Variants in MED13L observed in about 807,000 individuals in gnomAD.
The protein encoded by MED13L is mediator complex subunit 13L.
A neutral mutation model predicts 220.9 loss-of-function variants in MED13L; 7 were observed. The observed-to-expected ratio is 0.03, with a 90% CI of 0.02 to 0.06. The LOEUF (loss-of-function observed/expected upper bound fraction) is 0.06, where lower values mean the gene tolerates loss of function less well. Among genes scored for constraint, MED13L ranks in the 10% least tolerant of loss-of-function variants. The probability of loss-of-function intolerance (pLI) is 1.00; values close to 1 mark genes in which losing one functional copy is unlikely to be tolerated. For synonymous variants in MED13L, 1,011 were observed against 1,015.2 expected (o/e 1.00, Z 0.08); for missense variants, 1,965 against 2,760.5 (o/e 0.71, Z 6.46).
intron 1 of MED13L, among the ~76,000 whole-genome samples, chr12:116,256,582 A>G (rs1435094715): frequency 1.3e-5 from 2 of 152,040 alleles, no homozygotes; most frequent in African/African-American, 4.8e-5. Context: ...TAAAGTGAGT[A>G]TATTTTATTG....
intron 2 of MED13L, among the ~76,000 whole-genome samples, chr12:116,157,264 C>T (rs186972885): frequency 3.9e-5 from 6 of 152,218 alleles, no homozygotes; most frequent in Admixed American, 3.9e-4. Context: ...TATACTTATA[C>T]CCCAAGTATA....
intron 17 of MED13L, among the ~76,000 whole-genome samples, 166 bp downstream of exon 17, chr12:115,990,854 G>A (rs953288024): frequency 1.3e-5 from 2 of 152,170 alleles, no homozygotes; most frequent in African/African-American, 4.8e-5. Flanking sequence ...CATTCTCCCA[G>A]TCCATAAGTT....
At chr12:116,090,047 T>C (rs749692811) in intron 4 of MED13L, among the ~76,000 whole-genome samples, 10 of 152,186 alleles carry the variant, frequency 6.6e-5, no homozygotes, top group Non-Finnish European at 1.0e-4. Flanking sequence ...GCTCAGTCTA[T>C]TATTTGGTCA....
chr12:116,092,179 A>G (rs1872277614), intron 4 of MED13L, among the ~76,000 whole-genome samples: 1 of 152,242 alleles, frequency 6.6e-6, no homozygotes, highest in Non-Finnish European at 1.5e-5. Context: ...AAGTAAATTT[A>G]TGAGTAAAAC....
intron 4 of MED13L, among the ~76,000 whole-genome samples, chr12:116,049,180 C>T (rs528567004): frequency 6.6e-6 from 1 of 152,144 alleles, no homozygotes; most frequent in African/African-American, 2.4e-5. Flanking sequence ...AAAGACACAA[C>T]TGAAATCACC....
At chr12:116,158,863 CAG>C (rs1352348747) in intron 2 of MED13L, among the ~76,000 whole-genome samples, 1 of 152,084 alleles carries the variant, frequency 6.6e-6, no homozygotes, top group Admixed American at 6.6e-5. Context: ...CAGTAAAACA[CAG>C]AAAGCTGAAG....
At chr12:116,183,820 A>ATG (rs57716114) in intron 2 of MED13L, among the ~76,000 whole-genome samples, 5,696 of 146,460 alleles carry the variant, frequency 0.039, 192 homozygotes, top group Non-Finnish European at 0.049. Flanking sequence ...GTGTGTGTGT[A>ATG]TGTGTGTGTG....
intron 3 of MED13L, among the ~76,000 whole-genome samples, chr12:116,107,523 C>T (rs1290177021): frequency 6.6e-6 from 1 of 152,190 alleles, no homozygotes; most frequent in African/African-American, 2.4e-5. Context: ...AATTGTTTTT[C>T]AATAACTCAC....
chr12:116,186,448 G>C (rs1191632333), intron 2 of MED13L, among the ~76,000 whole-genome samples: 1 of 152,078 alleles, frequency 6.6e-6, no homozygotes, highest in Non-Finnish European at 1.5e-5. Context: ...TTCCTGTTTA[G>C]GTGCTTTATT....
At chr12:116,205,474 C>T (rs1882252059) in intron 2 of MED13L, among the ~76,000 whole-genome samples, 1 of 147,038 alleles carries the variant, frequency 6.8e-6, no homozygotes, top group Admixed American at 6.8e-5. Flanking sequence ...ATGGTCCACT[C>T]CCTACAATAA....
Position 115,997,105 on chromosome 12 carries a change from C to G in MED13L, c.2695G>C (p.Glu899Gln), listed in dbSNP as rs1422939452. The G allele has an allele frequency of 6.2e-7, 1 of 1,614,116 alleles. No individual in the cohort carries two copies. Among genetic ancestry groups the G allele is most frequent in the African/African-American group, 1.3e-5 (1 of 75,052 alleles). The change falls in exon 15 of 31, where the codon GAG (glutamate) becomes CAG (glutamine). Residue 899 changes from glutamate (E) to glutamine (Q), a missense_variant. Physicochemically the swap from Glu to Gln is conservative, Grantham distance 29. Coordinates refer to ENST00000281928, the MANE Select transcript of MED13L (RefSeq NM_015335.5). ...SETVTALGMM[E>Q]SPMVSMVSTQ... ...GAAACCATACTGACCATAGGGCTCT[C>G]CATCATGCCTAATGCTGTCACTGTC...
chr12:116,104,176 A>T (rs767516790), intron 3 of MED13L, among the ~76,000 whole-genome samples: 5 of 151,472 alleles, frequency 3.3e-5, no homozygotes, highest in Non-Finnish European at 7.4e-5. Context: ...ACACCTGTCT[A>T]ATTTTGCATT....
intron 2 of MED13L, among the ~76,000 whole-genome samples, chr12:116,148,074 A>AAAAGG (rs1377801971): frequency 1.0e-5 from 1 of 98,312 alleles, no homozygotes; most frequent in African/African-American, 3.9e-5. Flanking sequence ...AAAAAAAAAA[A>AAAAGG]GAGGGGGGCG....
chr12:116,039,308 C>A (rs1881384036), intron 4 of MED13L, among the ~76,000 whole-genome samples: 3 of 152,218 alleles, frequency 2.0e-5, no homozygotes, highest in Non-Finnish European at 4.4e-5. Flanking sequence ...ATACTCAGCA[C>A]TGTTGCAAAA....
intron 3 of MED13L, among the ~76,000 whole-genome samples, chr12:116,099,824 G>GTC: frequency 6.6e-6 from 1 of 152,216 alleles, no homozygotes; most frequent in Non-Finnish European, 1.5e-5. Flanking sequence ...CCAACACTGC[G>GTC]TGAATAGAGC....
chr12:116,215,325 C>G (rs1882928196), intron 2 of MED13L, among the ~76,000 whole-genome samples: 1 of 152,172 alleles, frequency 6.6e-6, no homozygotes. Context: ...TTGGAGAAAT[C>G]TGTTACTACA....
At position 115,990,985 on chromosome 12, in the gene MED13L, C is replaced by T. The variant is rs1390292370; in HGVS notation, c.3934+35G>A. ...TTTAAGTTATGATCATACCAAGATA[C>T]TCCTCAAAGTAAATTTGTGTTCTGG... On this transcript the variant is annotated intron_variant, in intron 17 of 30. Coordinates refer to ENST00000281928, the MANE Select transcript of MED13L (RefSeq NM_015335.5). 8 of 1,597,984 alleles carry T rather than the reference C, an allele frequency of 5.0e-6. 1 individual carries two copies. The South Asian group carries it at 7.7e-5, about 15-fold the overall frequency.
intron 2 of MED13L, among the ~76,000 whole-genome samples, chr12:116,186,126 C>A (rs908517777): frequency 6.6e-6 from 1 of 152,202 alleles, no homozygotes; most frequent in African/African-American, 2.4e-5. Flanking sequence ...ACTACCTCCT[C>A]CTCAAAGCCT....
chr12:116,079,899 T>C (rs11612304), intron 4 of MED13L, among the ~76,000 whole-genome samples: 25,801 of 152,170 alleles, frequency 0.17, 2,409 homozygotes, highest in Middle Eastern at 0.27. Flanking sequence ...TTCTGAGATC[T>C]GAAAGTTATG....
Sources: gnomAD v4.1 joint callset for allele counts (sites outside exome capture counted in the v4.1 genomes callset) on GRCh38, gnomAD v4.1.1 for gene constraint, MANE v1.5 for transcripts, NCBI Gene and HGNC (gene_info 2026-07-23, HGNC 2026-07-21) for gene names.